The following TMEM170B variants were observed in gnomAD, a reference collection of about 807,000 sequenced individuals.
TMEM170B encodes transmembrane protein 170B.
A neutral mutation model predicts 13.0 loss-of-function variants in TMEM170B; 6 were observed. That is an observed-to-expected ratio of 0.46 (90% confidence interval 0.25 to 0.91). The LOEUF (loss-of-function observed/expected upper bound fraction) is 0.91, where lower values mean the gene tolerates loss of function less well. TMEM170B is among the 40% of genes least tolerant of loss of function. The probability of loss-of-function intolerance (pLI) is 0.17; values close to 1 mark genes in which losing one functional copy is unlikely to be tolerated. For missense variants in TMEM170B, 138 were observed against 165.2 expected (o/e 0.84, Z 0.90); for synonymous variants, 61 against 64.9 (o/e 0.94, Z 0.29).
intron 2 of TMEM170B, among the ~76,000 whole-genome samples, chr6:11,569,831 G>A (rs1357758620): frequency 6.6e-6 from 1 of 151,722 alleles, no homozygotes; most frequent in Non-Finnish European, 1.5e-5. Context: ...CATTCTCAAA[G>A]TACAGGGATC....
chr6:11,570,520 C>G (rs1340632620), intron 2 of TMEM170B, among the ~76,000 whole-genome samples: 1 of 151,896 alleles, frequency 6.6e-6, no homozygotes, highest in East Asian at 1.9e-4. Flanking sequence ...AACAGCTATA[C>G]CTAAATATAA....
rs1759865281 is a variant in TMEM170B, at chr6:11,575,645, A to G, written c.*84A>G. The G allele has an allele frequency of 6.5e-7, 1 of 1,534,388 alleles. No individual in the cohort carries two copies. The highest frequency in any genetic ancestry group is 1.4e-5 in the African/African-American group (1 of 73,216). Reference sequence around the variant, plus strand: ...ACGGCATTGTTAACAAGTGGAAATGAAATTGTGCAAGAATGTGGACTGAGC... The same window carrying G: ...ACGGCATTGTTAACAAGTGGAAATGGAATTGTGCAAGAATGTGGACTGAGC... On this transcript the variant is annotated 3_prime_UTR_variant, in exon 3 of 3. Coordinates refer to ENST00000379426, the MANE Select transcript of TMEM170B (RefSeq NM_001100829.3). This position sits in a 1 kb window ranked among gnomAD's most constrained non-coding sequence, Gnocchi z 4.1.
chr6:11,557,403 G>T (rs1170649836), intron 1 of TMEM170B, among the ~76,000 whole-genome samples: 1 of 151,888 alleles, frequency 6.6e-6, no homozygotes, highest in Non-Finnish European at 1.5e-5. Flanking sequence ...ATGCATGCTG[G>T]GCTTAATACC....
At chr6:11,550,490 G>A (rs1759510409) in intron 1 of TMEM170B, among the ~76,000 whole-genome samples, 1 of 151,030 alleles carries the variant, frequency 6.6e-6, no homozygotes, top group Admixed American at 6.6e-5. Flanking sequence ...TTTTTTTTTA[G>A]CCAACGCTTT....
rs1466376446 is a variant in TMEM170B at position 11,578,186 on chromosome 6, A to G, written c.*2625A>G. 1.3e-5 allele frequency: 2 copies of G among 152,050 alleles called. No individual in the cohort carries two copies. Among genetic ancestry groups the G allele is most frequent in the Non-Finnish European group, 2.9e-5 (2 of 67,946 alleles). 9.4% of individuals were successfully genotyped at this position (152,050 alleles called of 1,614,324 possible). ...GTTTGAGGATGTTTGAAAATTTTGA[A>G]TTTTGGGAAAATTTTCTTCACTTAA... On this transcript the variant is annotated 3_prime_UTR_variant, in exon 3 of 3. Transcript: ENST00000379426.
intron 1 of TMEM170B, among the ~76,000 whole-genome samples, chr6:11,549,032 C>A (rs1235305333): frequency 1.3e-5 from 2 of 151,982 alleles, no homozygotes; most frequent in Non-Finnish European, 1.5e-5. Flanking sequence ...ATGTAACAAA[C>A]CTGCACGTTG....
At chr6:11,546,458 A>G (rs1468399858) in intron 1 of TMEM170B, among the ~76,000 whole-genome samples, 1 of 152,240 alleles carries the variant, frequency 6.6e-6, no homozygotes, top group Non-Finnish European at 1.5e-5. Flanking sequence ...AATTTAGTGT[A>G]GCCTGTGTAT....
rs888643807 is a variant in TMEM170B, at chr6:11,582,794, A to T, written c.*7233A>T. On this transcript the variant is annotated 3_prime_UTR_variant, in exon 3 of 3. Coordinates refer to ENST00000379426, the MANE Select transcript of TMEM170B (RefSeq NM_001100829.3). ...ATAAATGTTGGAGGGGTAATACACA[A>T]AAACAAAGGCATATTTGATGAAGTA... 2 of 152,192 alleles carry T rather than the reference A, an allele frequency of 1.3e-5. No homozygotes were observed. The highest frequency in any genetic ancestry group is 1.3e-4 in the Admixed American group (2 of 15,282). The allele number at this position is 152,192 out of a possible 1,614,324, so 9.4% of individuals were successfully genotyped here.
At chr6:11,563,991 A>G (rs1178835160) in intron 1 of TMEM170B, among the ~76,000 whole-genome samples, 2 of 152,162 alleles carry the variant, frequency 1.3e-5, no homozygotes, top group African/African-American at 2.4e-5. Flanking sequence ...ACAAAATCAT[A>G]TGGTATTCAT....
intron 1 of TMEM170B, among the ~76,000 whole-genome samples, chr6:11,557,840 A>T (rs1017679808): frequency 6.6e-6 from 1 of 152,256 alleles, no homozygotes; most frequent in Non-Finnish European, 1.5e-5. Context: ...TCACAAAGCC[A>T]GTACAAAAAT....
In TMEM170B at chr6:11,578,288, CG is replaced by C. The variant is rs1759906201; in HGVS notation, c.*2728del. 1 of 151,998 alleles carries C rather than the reference CG, an allele frequency of 6.6e-6. No homozygotes were observed. The highest frequency in any genetic ancestry group is 6.6e-5 in the Admixed American group (1 of 15,262). The allele number at this position is 151,998 out of a possible 1,614,324, so 9.4% of individuals were successfully genotyped here. On this transcript the variant is annotated 3_prime_UTR_variant, in exon 3 of 3. Coordinates refer to ENST00000379426, the MANE Select transcript of TMEM170B (RefSeq NM_001100829.3). ...TTGGGTTATATACTTTGTTAAAATT[CG>C]TATGTGATTTAGCAGTACATTTTCT...
chr6:11,561,586 C>A (rs1028566909), intron 1 of TMEM170B, among the ~76,000 whole-genome samples: 1 of 151,984 alleles, frequency 6.6e-6, no homozygotes, highest in Non-Finnish European at 1.5e-5. Context: ...CTTTAGGGTC[C>A]CTGTTCACTC....
chr6:11,544,897 T>G (rs1759409927), intron 1 of TMEM170B, among the ~76,000 whole-genome samples: 1 of 152,208 alleles, frequency 6.6e-6, no homozygotes, highest in Admixed American at 6.5e-5. Context: ...GAGTCAATAT[T>G]GTATATACAG....
intron 1 of TMEM170B, among the ~76,000 whole-genome samples, chr6:11,562,940 C>T (rs1304133707): frequency 6.6e-6 from 1 of 152,138 alleles, no homozygotes; most frequent in Non-Finnish European, 1.5e-5. Context: ...TTTTAAAATT[C>T]TTAGTCATTT....
At chr6:11,549,458 T>A (rs1469983939) in intron 1 of TMEM170B, among the ~76,000 whole-genome samples, 1 of 152,018 alleles carries the variant, frequency 6.6e-6, no homozygotes, top group East Asian at 1.9e-4. Flanking sequence ...GGTCAGGAGA[T>A]CGAGACCATC....
intron 1 of TMEM170B, among the ~76,000 whole-genome samples, chr6:11,544,708 C>G (rs1437253492): frequency 6.6e-6 from 1 of 152,158 alleles, no homozygotes; most frequent in Non-Finnish European, 1.5e-5. Flanking sequence ...ATAACCATTG[C>G]CAAAATTCTC....
At chr6:11,551,301 C>T (rs1276418453) in intron 1 of TMEM170B, among the ~76,000 whole-genome samples, 1 of 152,172 alleles carries the variant, frequency 6.6e-6, no homozygotes, top group Admixed American at 6.5e-5. Flanking sequence ...AAGTGATATA[C>T]CATCATGTCT....
intron 1 of TMEM170B, among the ~76,000 whole-genome samples, chr6:11,541,181 G>C (rs375829248): frequency 2.6e-5 from 4 of 152,286 alleles, no homozygotes; most frequent in African/African-American, 9.6e-5. Flanking sequence ...CCTAAGAAGA[G>C]TCAGCCTGTC....
At chr6:11,541,794 A>G (rs1035778585) in intron 1 of TMEM170B, among the ~76,000 whole-genome samples, 3 of 152,010 alleles carry the variant, frequency 2.0e-5, no homozygotes, top group African/African-American at 4.8e-5. Context: ...TCTTTTTTTC[A>G]CTTGAACACT....
Sources: allele counts gnomAD v4.1 joint callset (sites outside exome capture counted in the v4.1 genomes callset), GRCh38; gene constraint gnomAD v4.1.1; non-coding constraint Gnocchi (gnomAD v3.1); transcripts MANE v1.5; gene names NCBI Gene and HGNC (gene_info 2026-07-23, HGNC 2026-07-21).